The following ASTN2 variants were observed in gnomAD, a reference collection of about 807,000 sequenced individuals.
The protein encoded by ASTN2 is astrotactin 2.
Under a neutral mutation model 139.8 loss-of-function variants are expected in ASTN2, and 54 were observed. The ratio of observed to expected loss-of-function variants is 0.39; its 90% CI spans 0.31 to 0.48. ASTN2 has a LOEUF of 0.48. ASTN2 is among the 20% of genes least tolerant of loss of function. The probability of loss-of-function intolerance (pLI) is 0.95; values close to 1 mark genes in which losing one functional copy is unlikely to be tolerated. For synonymous variants in ASTN2, 756 were observed against 719.5 expected, an observed-to-expected ratio of 1.05 and a Z score of -0.81; for missense variants, 1,565 against 1,725.1, an observed-to-expected ratio of 0.91 and a Z score of 1.64.
Position 116,455,385 on chromosome 9 carries a change from T to A in ASTN2, c.3498-12832A>T, listed in dbSNP as rs573751949. On this transcript the variant is annotated intron_variant, in intron 20 of 22. Coordinates refer to ENST00000313400, the MANE Select transcript of ASTN2 (RefSeq NM_001365068.1). ...AAAAAAGAAAAGAAAAGAAAAACAG[T>A]TTACGGTAGGAAGTAATAGTTAATT... Among the ~76,000 whole-genome samples, 54 of 151,408 alleles carry A rather than the reference T, an allele frequency of 3.6e-4. No individual in the cohort carries two copies. In the South Asian group the frequency reaches 0.011, roughly 31 times the overall value.
intron 1 of ASTN2, among the ~76,000 whole-genome samples, chr9:117,297,944 C>G (rs778365430): frequency 2.0e-5 from 3 of 152,168 alleles, no homozygotes; most frequent in South Asian, 2.1e-4. Flanking sequence ...TATAAGTCAG[C>G]CTTCCTGGGT....
chr9:116,551,611 G>C (rs1852349316), intron 19 of ASTN2, among the ~76,000 whole-genome samples: 1 of 152,156 alleles, frequency 6.6e-6, no homozygotes, highest in South Asian at 2.1e-4. Flanking sequence ...TTCAGAGTCA[G>C]TGGTCTTGGT....
At chr9:116,951,307 A>G (rs1019484912) in intron 10 of ASTN2, among the ~76,000 whole-genome samples, 11 of 129,026 alleles carry the variant, frequency 8.5e-5, no homozygotes, top group African/African-American at 3.1e-4. Flanking sequence ...ACTGCACTCC[A>G]GCCTGGGCAA....
chr9:117,256,592 A>G (rs1298068975), intron 2 of ASTN2, among the ~76,000 whole-genome samples: 2 of 152,218 alleles, frequency 1.3e-5, no homozygotes, highest in African/African-American at 2.4e-5. Context: ...TCATTTCACC[A>G]TATCATGATG....
chr9:117,074,083 T>C (rs1274873714), intron 5 of ASTN2, among the ~76,000 whole-genome samples: 1 of 93,652 alleles, frequency 1.1e-5, no homozygotes, highest in Non-Finnish European at 2.3e-5. Context: ...CAGCGTTCTG[T>C]TCTATTGAGG....
chr9:117,153,079 C>T (rs543261427), intron 3 of ASTN2, among the ~76,000 whole-genome samples: 1 of 152,098 alleles, frequency 6.6e-6, no homozygotes. Context: ...TTGACTTGGG[C>T]TTGGCTGTGT....
intron 6 of ASTN2, among the ~76,000 whole-genome samples, chr9:117,020,301 G>A (rs1009277774): frequency 4.0e-5 from 6 of 151,446 alleles, no homozygotes; most frequent in Admixed American, 6.6e-5. Flanking sequence ...TATACAAATT[G>A]TAGTAGTGAG....
At chr9:117,016,499 T>C (rs571134012) in intron 6 of ASTN2, among the ~76,000 whole-genome samples, 80 of 149,982 alleles carry the variant, frequency 5.3e-4, no homozygotes, top group African/African-American at 1.9e-3. Flanking sequence ...GAGGACCACT[T>C]CATAGAAGAG....
chr9:116,661,694 T>C (rs1858569985), intron 16 of ASTN2, among the ~76,000 whole-genome samples: 1 of 152,136 alleles, frequency 6.6e-6, no homozygotes, highest in East Asian at 1.9e-4. Context: ...GAACTTCATA[T>C]ACATCTGGAT....
At chr9:116,458,965 G>GA (rs1016565110) in intron 20 of ASTN2, among the ~76,000 whole-genome samples, 2 of 151,408 alleles carry the variant, frequency 1.3e-5, no homozygotes, top group African/African-American at 2.4e-5. Context: ...TATTTAAAAA[G>GA]AAAAAAAAGC....
intron 5 of ASTN2, among the ~76,000 whole-genome samples, chr9:117,045,389 C>A (rs1474298259): frequency 6.6e-6 from 1 of 151,858 alleles, no homozygotes; most frequent in Non-Finnish European, 1.5e-5. Flanking sequence ...AGTTCCTTCC[C>A]CATTACTTGC....
intron 3 of ASTN2, among the ~76,000 whole-genome samples, chr9:117,168,200 G>A (rs1328593638): frequency 6.6e-6 from 1 of 152,132 alleles, no homozygotes; most frequent in Non-Finnish European, 1.5e-5. Context: ...CTCTAAGGAT[G>A]ATGGATGAGC....
chr9:116,531,956 G>T (rs1403016915), intron 19 of ASTN2, among the ~76,000 whole-genome samples: 8 of 152,176 alleles, frequency 5.3e-5, no homozygotes, highest in Non-Finnish European at 1.2e-4. Context: ...CTTCCACAAT[G>T]GTTCAACTAG....
At chr9:117,115,548 C>A (rs1267956156) in intron 4 of ASTN2, among the ~76,000 whole-genome samples, 1 of 151,946 alleles carries the variant, frequency 6.6e-6, no homozygotes, top group East Asian at 1.9e-4. Context: ...AACAAAATAT[C>A]TATTCTATAC....
intron 19 of ASTN2, among the ~76,000 whole-genome samples, chr9:116,552,965 G>A (rs915682628): frequency 6.6e-6 from 1 of 152,198 alleles, no homozygotes; most frequent in Non-Finnish European, 1.5e-5. Flanking sequence ...TTGGCTAGCA[G>A]GACTGAAGGT....
intron 5 of ASTN2, among the ~76,000 whole-genome samples, chr9:117,072,036 C>G (rs930061850): frequency 6.6e-6 from 1 of 152,164 alleles, no homozygotes; most frequent in Admixed American, 6.5e-5. Context: ...GCTCCTCCCC[C>G]ACTCCCATTT....
At chr9:116,675,241 G>A (rs1300582924) in intron 16 of ASTN2, among the ~76,000 whole-genome samples, 3 of 152,110 alleles carry the variant, frequency 2.0e-5, no homozygotes, top group Non-Finnish European at 2.9e-5. Flanking sequence ...ATAATCCTGG[G>A]GAGATATCCC....
At chr9:116,938,555 C>G (rs953218696) in intron 10 of ASTN2, among the ~76,000 whole-genome samples, 2 of 152,256 alleles carry the variant, frequency 1.3e-5, no homozygotes, top group East Asian at 1.9e-4. Context: ...CAATACCCCC[C>G]ACTCCAAAGC....
chr9:116,949,140 C>T (rs979747941), intron 10 of ASTN2, among the ~76,000 whole-genome samples: 1 of 151,718 alleles, frequency 6.6e-6, no homozygotes, highest in Non-Finnish European at 1.5e-5. Flanking sequence ...AAAATATATC[C>T]CGGCAAACTC....
Sources: gnomAD v4.1 joint callset for allele counts (sites outside exome capture counted in the v4.1 genomes callset) on GRCh38, gnomAD v4.1.1 for gene constraint, MANE v1.5 for transcripts, NCBI Gene and HGNC (gene_info 2026-07-23, HGNC 2026-07-21) for gene names.